The following LRP6 variants were observed in gnomAD, a reference collection of about 807,000 sequenced individuals.
LRP6 encodes LDL receptor related protein 6.
In LRP6, 43 loss-of-function variants were observed where a neutral mutation model predicts 184.1. The ratio of observed to expected loss-of-function variants is 0.23; its 90% CI spans 0.18 to 0.30. The LOEUF (loss-of-function observed/expected upper bound fraction) is 0.30, where lower values mean the gene tolerates loss of function less well. Ranked by LOEUF, LRP6 falls within the 10% of genes least tolerant of loss-of-function variation. The probability of loss-of-function intolerance (pLI) is 1.00; values close to 1 mark genes in which losing one functional copy is unlikely to be tolerated. For synonymous variants in LRP6, 719 were observed against 684.9 expected, an observed-to-expected ratio of 1.05 and a Z score of -0.78; for missense variants, 1,571 against 2,005.3, an observed-to-expected ratio of 0.78 and a Z score of 4.14.
At chr12:12,127,627 C>T (rs1226965857) in intron 19 of LRP6, among the ~76,000 whole-genome samples, 6 of 146,508 alleles carry the variant, frequency 4.1e-5, no homozygotes, top group African/African-American at 1.6e-4. Context: ...TTCACCTTCC[C>T]TGGATCCCTG....
chr12:12,191,003 T>C (rs1490466592), intron 3 of LRP6, among the ~76,000 whole-genome samples: 2 of 152,128 alleles, frequency 1.3e-5, no homozygotes, highest in Non-Finnish European at 2.9e-5. Flanking sequence ...GCCATTAAGA[T>C]ATGACTGATA....
At chr12:12,185,070 G>A (rs1863436517) in intron 4 of LRP6, among the ~76,000 whole-genome samples, 1 of 152,152 alleles carries the variant, frequency 6.6e-6, no homozygotes, top group Non-Finnish European at 1.5e-5. Context: ...CTAGGTGCGT[G>A]GATCACTTGA....
intron 1 of LRP6, among the ~76,000 whole-genome samples, chr12:12,244,901 G>C (rs1360519471): frequency 6.6e-6 from 1 of 152,142 alleles, no homozygotes; most frequent in African/African-American, 2.4e-5. Flanking sequence ...AAATAACTCA[G>C]ATAAAATTTT....
intron 2 of LRP6, among the ~76,000 whole-genome samples, chr12:12,235,318 G>C (rs933356267): frequency 6.6e-6 from 1 of 152,166 alleles, no homozygotes; most frequent in Non-Finnish European, 1.5e-5. Context: ...ACTGGAATTG[G>C]CGATAACATG....
intron 3 of LRP6, among the ~76,000 whole-genome samples, chr12:12,198,062 G>A (rs924113203): frequency 2.0e-5 from 3 of 152,190 alleles, no homozygotes; most frequent in Non-Finnish European, 4.4e-5. Flanking sequence ...GGGATTACAA[G>A]CGCCCACCAC....
chr12:12,244,977 G>T (rs1334345528), intron 1 of LRP6, among the ~76,000 whole-genome samples: 1 of 152,184 alleles, frequency 6.6e-6, no homozygotes, highest in Non-Finnish European at 1.5e-5. Context: ...CTCTACTGGG[G>T]TGAATGTAAA....
At chr12:12,221,038 G>A (rs1029176053) in intron 2 of LRP6, among the ~76,000 whole-genome samples, 7 of 152,164 alleles carry the variant, frequency 4.6e-5, no homozygotes, top group Middle Eastern at 3.2e-3. Context: ...TGCAGTCTCA[G>A]TTCTTCCCAC....
At chr12:12,140,206 A>AT (rs1205476035) in intron 15 of LRP6, among the ~76,000 whole-genome samples, 1 of 152,026 alleles carries the variant, frequency 6.6e-6, no homozygotes. Context: ...TAAAAAAAAA[A>AT]CAAAAAACCT....
At chr12:12,187,181 C>T (rs1863496146) in intron 3 of LRP6, 62 bp from the exon 4 acceptor site, 8 of 1,339,248 alleles carry the variant, frequency 6.0e-6, no homozygotes, top group Non-Finnish European at 2.1e-6. Context: ...ATCATAACGT[C>T]ACCTCTCCCA....
rs1344903252 is a variant in LRP6, at chr12:12,165,183, C to T, written c.1658G>A (p.Arg553His). 3.7e-6 allele frequency: 6 copies of T among 1,613,968 alleles called. No homozygotes were observed. Among genetic ancestry groups the T allele is most frequent in the Admixed American group, 1.7e-5 (1 of 60,004 alleles). ...DYVYWTDWQR[R>H]SIERVHKRSA... is the part of the protein sequence containing the mutation. The stretch of plus-strand genomic sequence containing the variant: ...TCGTTTATGAACTCTTTCAATGCTA[C>T]GCCTCTGCCAGTCAGTCCAGTAAAC... Residue 553 changes from arginine (R) to histidine (H), a missense_variant, in exon 8 of 23, where the codon CGT becomes CAT. This residue lies in a region of LRP6 where 640 missense variants were observed against 851.9 expected (regional missense o/e 0.75). Coordinates refer to ENST00000261349, the MANE Select transcript of LRP6 (RefSeq NM_002336.3).
At chr12:12,189,949 A>G (rs1204578748) in intron 3 of LRP6, among the ~76,000 whole-genome samples, 2 of 152,220 alleles carry the variant, frequency 1.3e-5, no homozygotes, top group Non-Finnish European at 2.9e-5. Flanking sequence ...TCTATAACAG[A>G]TGACCTTTTT....
chr12:12,122,674 A>T (rs1949620737), intron 22 of LRP6, among the ~76,000 whole-genome samples: 4 of 151,930 alleles, frequency 2.6e-5, no homozygotes, highest in Admixed American at 2.6e-4. Flanking sequence ...TACAAAAAAT[A>T]AAAAAAAGCT....
At chr12:12,215,344 A>T (rs553618118) in intron 2 of LRP6, among the ~76,000 whole-genome samples, 19 of 152,336 alleles carry the variant, frequency 1.2e-4, no homozygotes, top group Non-Finnish European at 2.5e-4. Context: ...GAAAAAAAAT[A>T]ATAAAAATAG....
intron 12 of LRP6, among the ~76,000 whole-genome samples, chr12:12,151,660 A>T (rs1950082895): frequency 6.6e-6 from 1 of 152,134 alleles, no homozygotes; most frequent in South Asian, 2.1e-4. Flanking sequence ...AGAAACTGTA[A>T]GGCACTATAT....
At position 12,137,477 on chromosome 12, in the gene LRP6, G is replaced by A. The variant is rs1949858009; in HGVS notation, c.3607+848C>T. Among the ~76,000 whole-genome samples the A allele has an allele frequency of 2.0e-5, 3 of 152,056 alleles. No homozygotes were observed. The South Asian group carries it at 6.2e-4, about 32-fold the overall frequency. Reference sequence around the variant, plus strand: ...ATGGAGATGGCTATTTTTCTAAGCTGGGAATTGAAATATTTATCCCAAAGG... The same window carrying A: ...ATGGAGATGGCTATTTTTCTAAGCTAGGAATTGAAATATTTATCCCAAAGG... On this transcript the variant is annotated intron_variant, in intron 16 of 22. Transcript: ENST00000261349.
rs187816268 is a variant in LRP6, at chr12:12,193,698, C to T, written c.648-6579G>A. Reference sequence around the variant, plus strand: ...ACTGACTCAAGAAGAAACAGAAAATCTGATAGATCTACAACAAACAAGGAA... The same window carrying T: ...ACTGACTCAAGAAGAAACAGAAAATTTGATAGATCTACAACAAACAAGGAA... On this transcript the variant is annotated intron_variant, in intron 3 of 22. Coordinates refer to ENST00000261349, the MANE Select transcript of LRP6 (RefSeq NM_002336.3). Among the ~76,000 whole-genome samples the T allele has an allele frequency of 2.7e-3, 405 of 152,084 alleles. 2 individuals carry two copies. Among genetic ancestry groups the T allele is most frequent in the African/African-American group, 9.1e-3 (380 of 41,536 alleles).
intron 18 of LRP6, 118 bp downstream of exon 18, chr12:12,131,703 G>C (rs1198172056): frequency 2.5e-6 from 2 of 810,324 alleles, no homozygotes; most frequent in African/African-American, 1.7e-5. Flanking sequence ...GATCAGAAGT[G>C]ATACAGTCAT....
In LRP6 at chr12:12,135,246, T is replaced by C; in HGVS notation, c.3662A>G (p.Lys1221Arg). Reference protein sequence around the residue: ...NGGCSHICLVKGDGTTRCSCP... With the variant: ...NGGCSHICLVRGDGTTRCSCP... ...AGAACACCTTGTAGTACCATCCCCC[T>C]TTACAAGACAAATATGTGAACAGCC... Residue 1221 changes from lysine to arginine, a missense_variant, in exon 17 of 23, where the codon AAG becomes AGG. By Grantham distance (26) the Lys-to-Arg change is conservative (BLOSUM62 2). Around this residue, in one of 4 missense-constraint regions of LRP6, gnomAD observed 763 missense variants for 859.5 expected, o/e 0.89. Transcript: ENST00000261349. 1 of 1,613,788 alleles carries C rather than the reference T, an allele frequency of 6.2e-7. No individual in the cohort carries two copies. Among genetic ancestry groups the C allele is most frequent in the Non-Finnish European group, 8.5e-7 (1 of 1,179,960 alleles).
At chr12:12,254,924 T>C (rs1403779079) in intron 1 of LRP6, among the ~76,000 whole-genome samples, 1 of 152,218 alleles carries the variant, frequency 6.6e-6, no homozygotes, top group Admixed American at 6.5e-5. Context: ...AGTTCTTGAC[T>C]TACCTTTATA....
Sources: gnomAD v4.1 joint callset for allele counts (sites outside exome capture counted in the v4.1 genomes callset) on GRCh38, gnomAD v4.1.1 for gene constraint, gnomAD v4.1.1 regional missense constraint, MANE v1.5 for transcripts, NCBI Gene and HGNC (gene_info 2026-07-23, HGNC 2026-07-21) for gene names.